CES5A: variants seen among roughly 807,000 people sequenced by gnomAD.
The protein encoded by CES5A is carboxylesterase 5.
Under a neutral mutation model 62.9 loss-of-function variants are expected in CES5A, and 67 were observed. That is an observed-to-expected ratio of 1.07 (90% confidence interval 0.88 to 1.31). The LOEUF (loss-of-function observed/expected upper bound fraction) is 1.31. Ranked by LOEUF, CES5A falls within the 50% of genes most tolerant of loss-of-function variation. CES5A has a pLI of 0.00. For missense variants in CES5A, 748 were observed against 708.5 expected (o/e 1.06, Z -0.63); for synonymous variants, 296 against 280.8 (o/e 1.05, Z -0.54).
chr16:55,917,697 C>T (rs1225659936), intron 1 of CES5A, among the ~76,000 whole-genome samples: 2 of 152,154 alleles, frequency 1.3e-5, no homozygotes, highest in Non-Finnish European at 2.9e-5. Flanking sequence ...TCTCAGGTTC[C>T]ATCACCTCTG....
At chr16:55,895,485 C>A (rs2033922577) in intron 1 of CES5A, among the ~76,000 whole-genome samples, 1 of 152,222 alleles carries the variant, frequency 6.6e-6, no homozygotes, top group South Asian at 2.1e-4. Context: ...AACATCTCCC[C>A]TGACAGACTT....
chr16:55,853,150 G>T lies in CES5A; in HGVS notation c.1126-122C>A, dbSNP rs538843494. ...CACATTGCTTCATTTAACCCACACAGCAACCCTATGATGCAAGTATCAAAA... is the reference window on the plus strand; with the variant it reads ...CACATTGCTTCATTTAACCCACACATCAACCCTATGATGCAAGTATCAAAA... On this transcript the variant is annotated intron_variant, in intron 9 of 12. Transcript: ENST00000290567. The T allele has an allele frequency of 4.4e-4, 408 of 930,020 alleles. 1 individual carries two copies. In the African/African-American group the frequency reaches 6.1e-3, roughly 14 times the overall value. 57.6% of individuals were successfully genotyped at this position (930,020 alleles called of 1,614,324 possible).
chr16:55,898,332 A>G (rs2033955037), intron 1 of CES5A, among the ~76,000 whole-genome samples: 1 of 152,098 alleles, frequency 6.6e-6, no homozygotes, highest in Non-Finnish European at 1.5e-5. Context: ...TCTGCAAGAT[A>G]GGAGTTTGAG....
At chr16:55,883,258 T>A (rs138860277) in intron 1 of CES5A, among the ~76,000 whole-genome samples, 1 of 152,156 alleles carries the variant, frequency 6.6e-6, no homozygotes, top group African/African-American at 2.4e-5. Context: ...TTGCATCTTT[T>A]TTTTGTTTTT....
intron 1 of CES5A, among the ~76,000 whole-genome samples, chr16:55,901,291 T>C (rs1264310896): frequency 6.9e-6 from 1 of 143,976 alleles, no homozygotes; most frequent in Non-Finnish European, 1.5e-5. Context: ...CATGCAGAAC[T>C]GTGAGTCAAT....
intron 1 of CES5A, among the ~76,000 whole-genome samples, chr16:55,894,228 G>A (rs1177802222): frequency 6.6e-6 from 1 of 152,094 alleles, no homozygotes; most frequent in Non-Finnish European, 1.5e-5. Flanking sequence ...GGAATAATAG[G>A]CTGGGCGTGG....
chr16:55,943,184 G>T (rs1463179865), intron 2 of CES5A, among the ~76,000 whole-genome samples: 1 of 152,116 alleles, frequency 6.6e-6, no homozygotes, highest in African/African-American at 2.4e-5. Context: ...AGTTAAAAAA[G>T]AAACCATTTA....
At chr16:55,918,893 C>T (rs1438415361) in intron 1 of CES5A, among the ~76,000 whole-genome samples, 1 of 152,170 alleles carries the variant, frequency 6.6e-6, no homozygotes, top group Non-Finnish European at 1.5e-5. Context: ...TTATCCCTTC[C>T]CACTTCCCCA....
At chr16:55,855,606 G>T (rs1322864077) in intron 9 of CES5A, among the ~76,000 whole-genome samples, 1 of 152,144 alleles carries the variant, frequency 6.6e-6, no homozygotes, top group Non-Finnish European at 1.5e-5. Flanking sequence ...GGCTCAGGGT[G>T]GGGGAAACAC....
intron 6 of CES5A, 136 bp downstream of exon 6, chr16:55,863,212 A>C: frequency 1.5e-6 from 1 of 655,568 alleles, no homozygotes; most frequent in South Asian, 1.8e-5. Flanking sequence ...CGGAGGAACA[A>C]GGTTCACCTT....
intron 1 of CES5A, among the ~76,000 whole-genome samples, chr16:55,886,044 T>G (rs575500219): frequency 6.6e-6 from 1 of 152,320 alleles, no homozygotes; most frequent in East Asian, 1.9e-4. Flanking sequence ...CATGGCAGGT[T>G]CCCCACGGCT....
At chr16:55,854,804 C>T (rs146717501) in intron 9 of CES5A, among the ~76,000 whole-genome samples, 391 of 152,022 alleles carry the variant, frequency 2.6e-3, no homozygotes, top group South Asian at 0.025. Flanking sequence ...AGTGCTGGAA[C>T]TGCAGATGTG....
chr16:55,927,670 G>A (rs574786883), upstream of CES5A, among the ~76,000 whole-genome samples: 3 of 152,294 alleles, frequency 2.0e-5, no homozygotes, highest in East Asian at 5.8e-4. Context: ...TTGTTGGTGG[G>A]AATGATGTAA....
intron 10 of CES5A, 42 bp from the exon 11 acceptor site, chr16:55,849,815 G>A (rs747253675): frequency 1.2e-6 from 2 of 1,600,466 alleles, no homozygotes; most frequent in Middle Eastern, 1.9e-4. Flanking sequence ...ATGCAGCGCG[G>A]AGCAGGGGGC....
At chr16:55,949,847 G>T in exon 2 of CES5A, 1 of 1,523,624 alleles carries the variant, frequency 6.6e-7, no homozygotes, top group Non-Finnish European at 8.8e-7. Flanking sequence ...TGAGGAGGCT[G>T]GATAAAAATA....
chr16:55,910,785 C>T (rs745326412), intron 1 of CES5A, among the ~76,000 whole-genome samples: 4 of 151,954 alleles, frequency 2.6e-5, no homozygotes, highest in Admixed American at 6.6e-5. Flanking sequence ...CCTTGGTGCC[C>T]CATACCATTT....
At chr16:55,927,169 A>G (rs1281913365), upstream of CES5A, among the ~76,000 whole-genome samples, 1 of 152,232 alleles carries the variant, frequency 6.6e-6, no homozygotes. Context: ...ATCTGAGAAG[A>G]AAACCTAGGA....
At chr16:55,859,359 C>T (rs2033306802) in intron 8 of CES5A, among the ~76,000 whole-genome samples, 188 bp downstream of exon 8, 1 of 152,224 alleles carries the variant, frequency 6.6e-6, no homozygotes. Context: ...GCAAGGCAGA[C>T]ACTTGCTGTG....
chr16:55,934,528 G>A (rs1172126562), intron 2 of CES5A, among the ~76,000 whole-genome samples: 1 of 152,186 alleles, frequency 6.6e-6, no homozygotes, highest in Admixed American at 6.5e-5. Flanking sequence ...TGCATAAAGT[G>A]CTTGACCCAT....
Sources: gnomAD v4.1 joint callset for allele counts (sites outside exome capture counted in the v4.1 genomes callset) on GRCh38, gnomAD v4.1.1 for gene constraint, MANE v1.5 for transcripts, NCBI Gene and HGNC (gene_info 2026-07-23, HGNC 2026-07-21) for gene names.